CYP2C19: variants seen among roughly 807,000 people sequenced by gnomAD.
CYP2C19 encodes cytochrome P450 2C19.
CYP2C19 carries 59 observed loss-of-function variants against 40.9 expected under a neutral mutation model. That is an observed-to-expected ratio of 1.44 (90% CI 1.17 to 1.79). The LOEUF is 1.79. Among genes scored for constraint, CYP2C19 ranks in the 40% most tolerant of loss-of-function variants. The pLI is 0.00. For synonymous variants in CYP2C19, 253 were observed against 208.7 expected (o/e 1.21, Z -1.83); for missense variants, 754 against 596.9 (o/e 1.26, Z -2.74).
intron 6 of CYP2C19, among the ~76,000 whole-genome samples, chr10:94,833,565 T>C (rs1337429229): frequency 6.6e-6 from 1 of 152,172 alleles, no homozygotes; most frequent in East Asian, 1.9e-4. Flanking sequence ...CCAACGATGA[T>C]AGACTGGATT....
At chr10:94,839,075 C>T (rs1369672003) in intron 6 of CYP2C19, among the ~76,000 whole-genome samples, 1 of 152,204 alleles carries the variant, frequency 6.6e-6, no homozygotes. Context: ...TAGTCATTTT[C>T]TGATGAGCAT....
intron 5 of CYP2C19, among the ~76,000 whole-genome samples, chr10:94,805,786 AT>A (rs1413258696): frequency 1.3e-5 from 2 of 152,236 alleles, no homozygotes; most frequent in African/African-American, 4.8e-5. Context: ...ACTAATTCAT[AT>A]TAATAATTCC....
chr10:94,762,849 G>C lies in CYP2C19; in HGVS notation c.144G>C (p.Lys48Asn), dbSNP rs1176523089. Reference protein sequence around the residue: ...VIGNILQIDIKDVSKSLTNLS... With the variant: ...VIGNILQIDINDVSKSLTNLS... ...GAAATATCCTACAGATAGATATTAAGGATGTCAGCAAATCCTTAACCAATG... is the reference window on the plus strand; with the variant it reads ...GAAATATCCTACAGATAGATATTAACGATGTCAGCAAATCCTTAACCAATG... Residue 48 changes from lysine to asparagine, a missense_variant, in exon 1 of 9, where the codon AAG becomes AAC. Transcript: ENST00000371321. 1 of 1,613,866 alleles carries C rather than the reference G, an allele frequency of 6.2e-7. No individual in the cohort carries two copies. Among genetic ancestry groups the C allele is most frequent in the South Asian group, 1.1e-5 (1 of 91,078 alleles).
chr10:94,813,101 G>GT (rs550397536), intron 5 of CYP2C19, among the ~76,000 whole-genome samples: 218 of 151,798 alleles, frequency 1.4e-3, no homozygotes, highest in African/African-American at 4.5e-3. Flanking sequence ...CTGTTTGCTA[G>GT]TTTTTTTCCT....
At chr10:94,836,048 T>C (rs1849398810) in intron 6 of CYP2C19, among the ~76,000 whole-genome samples, 1 of 152,236 alleles carries the variant, frequency 6.6e-6, no homozygotes, top group African/African-American at 2.4e-5. Flanking sequence ...TGTTCTATCT[T>C]TTCTTTATTA....
chr10:94,820,406 G>T, intron 5 of CYP2C19, 90 bp from the exon 6 acceptor site: 3 of 1,423,478 alleles, frequency 2.1e-6, no homozygotes, highest in Non-Finnish European at 3.0e-6. Flanking sequence ...TTCTATGTTG[G>T]TAAGTATACA....
At chr10:94,789,360 T>C (rs996148540) in intron 5 of CYP2C19, among the ~76,000 whole-genome samples, 1 of 152,132 alleles carries the variant, frequency 6.6e-6, no homozygotes, top group Admixed American at 6.5e-5. Context: ...GAGATCTCAT[T>C]AGTCAATTTT....
chr10:94,785,325 T>C (rs986897275), intron 5 of CYP2C19, among the ~76,000 whole-genome samples: 1 of 152,124 alleles, frequency 6.6e-6, no homozygotes, highest in Non-Finnish European at 1.5e-5. Context: ...CATTTTTCAG[T>C]TATATTTTTC....
At chr10:94,840,191 T>A (rs1427809633) in intron 6 of CYP2C19, among the ~76,000 whole-genome samples, 2 of 152,158 alleles carry the variant, frequency 1.3e-5, no homozygotes, top group African/African-American at 4.8e-5. Context: ...AATTACAGGT[T>A]TTAAATTTAC....
At chr10:94,812,843 C>T (rs1181646048) in intron 5 of CYP2C19, among the ~76,000 whole-genome samples, 1 of 152,042 alleles carries the variant, frequency 6.6e-6, no homozygotes, top group East Asian at 1.9e-4. Context: ...TTATTACACA[C>T]CTTCTGAAGC....
intron 6 of CYP2C19, among the ~76,000 whole-genome samples, chr10:94,840,948 C>A (rs1350004015): frequency 6.6e-6 from 1 of 152,224 alleles, no homozygotes; most frequent in Admixed American, 6.5e-5. Context: ...TAGGACAGAA[C>A]AGCTAGTGAA....
At chr10:94,850,679 A>G (rs1849639398) in intron 8 of CYP2C19, among the ~76,000 whole-genome samples, 1 of 152,344 alleles carries the variant, frequency 6.6e-6, no homozygotes, top group South Asian at 2.1e-4. Context: ...AAGACATTTA[A>G]GCTACATCAA....
intron 5 of CYP2C19, among the ~76,000 whole-genome samples, chr10:94,809,510 G>T (rs748835143): frequency 6.6e-6 from 1 of 152,014 alleles, no homozygotes; most frequent in African/African-American, 2.4e-5. Context: ...TCTGCAAACA[G>T]ACAAAATTTG....
chr10:94,839,463 C>T (rs1239348072), intron 6 of CYP2C19, among the ~76,000 whole-genome samples: 1 of 152,342 alleles, frequency 6.6e-6, no homozygotes, highest in South Asian at 2.1e-4. Flanking sequence ...GCATGCCTAA[C>T]ATTGCCTTTG....
intron 1 of CYP2C19, among the ~76,000 whole-genome samples, chr10:94,768,349 C>A (rs367851396): frequency 6.6e-6 from 1 of 152,192 alleles, no homozygotes; most frequent in Non-Finnish European, 1.5e-5. Flanking sequence ...GAACTTCCTT[C>A]GGTATATAGG....
intron 1 of CYP2C19, among the ~76,000 whole-genome samples, chr10:94,767,759 G>C (rs758594929): frequency 6.6e-6 from 1 of 152,144 alleles, no homozygotes. Context: ...CCACTGGCTG[G>C]CTTCAGGTAT....
chr10:94,767,744 A>G (rs1003872272), intron 1 of CYP2C19, among the ~76,000 whole-genome samples: 5 of 152,052 alleles, frequency 3.3e-5, no homozygotes, highest in African/African-American at 7.2e-5. Flanking sequence ...GGTTTTAAGT[A>G]TTTTCCACTG....
chr10:94,785,947 T>G (rs1310848141), intron 5 of CYP2C19, among the ~76,000 whole-genome samples: 1 of 152,096 alleles, frequency 6.6e-6, no homozygotes, highest in Non-Finnish European at 1.5e-5. Flanking sequence ...GCCCACTATG[T>G]AAATGCCACA....
At chr10:94,778,120 A>G (rs190053747) in intron 3 of CYP2C19, among the ~76,000 whole-genome samples, 20 of 152,298 alleles carry the variant, frequency 1.3e-4, no homozygotes, top group Admixed American at 1.0e-3. Flanking sequence ...GCATGTTTTT[A>G]TTCAGTGCAG....
Sources: gnomAD v4.1 joint callset for allele counts (sites outside exome capture counted in the v4.1 genomes callset) on GRCh38, gnomAD v4.1.1 for gene constraint, MANE v1.5 for transcripts, NCBI Gene and HGNC (gene_info 2026-07-23, HGNC 2026-07-21) for gene names.